Variants in ATAD2B observed in about 807,000 individuals in gnomAD.
ATAD2B encodes ATPase family AAA domain containing 2B.
ATAD2B carries 40 observed loss-of-function variants against 167.6 expected under a neutral mutation model. The ratio of observed to expected loss-of-function variants is 0.24; its 90% confidence interval spans 0.19 to 0.31. The LOEUF (loss-of-function observed/expected upper bound fraction) is 0.31. Ranked by LOEUF, ATAD2B falls within the 10% of genes least tolerant of loss-of-function variation. The pLI, the probability that ATAD2B is intolerant of heterozygous loss-of-function variation, is 1.00. For synonymous variants in ATAD2B, 579 were observed against 596.5 expected, an observed-to-expected ratio of 0.97 and a Z score of 0.43; for missense variants, 1,242 against 1,757.2, an observed-to-expected ratio of 0.71 and a Z score of 5.24.
the ATAD2B span, among the ~76,000 whole-genome samples, chr2:23,735,358 G>A: frequency 6.6e-6 from 1 of 152,134 alleles, no homozygotes; most frequent in Non-Finnish European, 1.5e-5. Flanking sequence ...TAAAAGCATT[G>A]TTGTGATGCA....
intron 24 of ATAD2B, among the ~76,000 whole-genome samples, chr2:23,759,458 A>G (rs554106940): frequency 1.3e-5 from 2 of 152,336 alleles, no homozygotes; most frequent in East Asian, 3.9e-4. Flanking sequence ...TTTAGAATCT[A>G]TCAACAGTGT....
chr2:23,907,934 A>C (rs1283417155), intron 1 of ATAD2B, among the ~76,000 whole-genome samples: 1 of 152,096 alleles, frequency 6.6e-6, no homozygotes, highest in Admixed American at 6.6e-5. Flanking sequence ...CTGGCTAGCC[A>C]TATGTAGAAA....
chr2:23,878,485 T>C (rs979014683), intron 7 of ATAD2B, among the ~76,000 whole-genome samples: 1 of 149,348 alleles, frequency 6.7e-6, no homozygotes, highest in African/African-American at 2.5e-5. Context: ...GAAGAAACCC[T>C]GTCTCTACTA....
At chr2:23,868,100 T>G (rs917051146) in intron 9 of ATAD2B, among the ~76,000 whole-genome samples, 154 bp from the exon 10 acceptor site, 1 of 152,246 alleles carries the variant, frequency 6.6e-6, no homozygotes, top group African/African-American at 2.4e-5. Flanking sequence ...TACTCTACTT[T>G]TCTTACATTC....
At position 23,807,080 on chromosome 2, in the gene ATAD2B, C is replaced by G. The variant is rs554929190; in HGVS notation, c.2454+3236G>C. 4.6e-5 allele frequency among the ~76,000 whole-genome samples: 7 copies of G among 152,284 alleles called. No individual in the cohort carries two copies. In the East Asian group the frequency reaches 1.3e-3, roughly 29 times the overall value. On this transcript the variant is annotated intron_variant, in intron 18 of 27. Coordinates refer to ENST00000238789, the MANE Select transcript of ATAD2B (RefSeq NM_017552.4). ...ACTGTGAAGTATTCACTGAGATATG[C>G]CCATCCCAAATCCCCAGACTTTCTT...
intron 6 of ATAD2B, among the ~76,000 whole-genome samples, chr2:23,882,997 G>C (rs563816260): frequency 6.6e-6 from 1 of 152,124 alleles, no homozygotes; most frequent in South Asian, 2.1e-4. Flanking sequence ...CAAAGGGCTG[G>C]ACATGGTGGC....
chr2:23,714,325 C>T, the ATAD2B span, among the ~76,000 whole-genome samples: 3 of 150,676 alleles, frequency 2.0e-5, no homozygotes, highest in East Asian at 2.0e-4. Flanking sequence ...CTGCAAGCTC[C>T]GCCTCCTGGG....
chr2:23,858,036 C>T (rs189812788), intron 12 of ATAD2B, among the ~76,000 whole-genome samples: 24 of 152,150 alleles, frequency 1.6e-4, no homozygotes, highest in Admixed American at 5.9e-4. Flanking sequence ...AGCCACCACA[C>T]CCGGCCACCA....
chr2:23,762,384 C>A lies in ATAD2B; in HGVS notation c.3257-38G>T, dbSNP rs754781983. On this transcript the variant is annotated intron_variant, in intron 23 of 27. Coordinates refer to ENST00000238789, the MANE Select transcript of ATAD2B (RefSeq NM_017552.4). ...GATAAGCAATACCTCTTTAAATATTCCCAGCTACATAAACCAAAAGGTTTT... is the reference window on the plus strand; with the variant it reads ...GATAAGCAATACCTCTTTAAATATTACCAGCTACATAAACCAAAAGGTTTT... 3.8e-6 allele frequency: 6 copies of A among 1,578,602 alleles called. No individual in the cohort carries two copies. In the South Asian group the frequency reaches 5.8e-5, roughly 15 times the overall value.
chr2:23,745,849 C>G (rs899912228), downstream of ATAD2B, among the ~76,000 whole-genome samples: 1 of 152,214 alleles, frequency 6.6e-6, no homozygotes, highest in East Asian at 1.9e-4. Context: ...AAAGCAAGGA[C>G]CTTGCTGTCC....
At chr2:23,760,409 C>G (rs1403774249) in intron 24 of ATAD2B, among the ~76,000 whole-genome samples, 1 of 152,050 alleles carries the variant, frequency 6.6e-6, no homozygotes, top group East Asian at 1.9e-4. Flanking sequence ...ACCTGTACTT[C>G]CAGCACTTTG....
the ATAD2B span, among the ~76,000 whole-genome samples, chr2:23,727,336 T>C: frequency 2.0e-5 from 3 of 152,210 alleles, no homozygotes; most frequent in African/African-American, 7.2e-5. Context: ...CAACGTCATA[T>C]GTCATTAGGG....
chr2:23,833,842 A>C (rs1689457742), intron 14 of ATAD2B, 77 bp downstream of exon 14: 1 of 1,142,124 alleles, frequency 8.8e-7, no homozygotes, highest in African/African-American at 1.6e-5. Context: ...AAAATTCATA[A>C]AATATCACCC....
At chr2:23,885,939 CT>C (rs57104581) in intron 4 of ATAD2B, 110 bp from the exon 5 acceptor site, 9 of 620,428 alleles carry the variant, frequency 1.5e-5, no homozygotes, top group African/African-American at 9.7e-5. Flanking sequence ...CTACACACAA[CT>C]TTTTTTTCTT....
intron 13 of ATAD2B, among the ~76,000 whole-genome samples, chr2:23,853,927 T>C (rs1448536995): frequency 1.3e-5 from 2 of 152,188 alleles, no homozygotes; most frequent in East Asian, 3.8e-4. Context: ...CTTCAATATA[T>C]GGTTCTGGAA....
At chr2:23,801,376 T>A (rs868093421) in intron 18 of ATAD2B, among the ~76,000 whole-genome samples, 1 of 152,094 alleles carries the variant, frequency 6.6e-6, no homozygotes, top group Non-Finnish European at 1.5e-5. Context: ...AAATATAGCC[T>A]AGTTTCAATG....
chr2:23,813,219 T>G (rs948263224), intron 17 of ATAD2B, among the ~76,000 whole-genome samples: 2 of 151,478 alleles, frequency 1.3e-5, no homozygotes, highest in African/African-American at 4.8e-5. Context: ...AATCACTATA[T>G]GAAAGAATTT....
At chr2:23,860,080 T>C (rs912989702) in intron 12 of ATAD2B, among the ~76,000 whole-genome samples, 1 of 152,130 alleles carries the variant, frequency 6.6e-6, no homozygotes, top group African/African-American at 2.4e-5. Flanking sequence ...GGAGTAGATT[T>C]ATTATTGTGA....
intron 1 of ATAD2B, among the ~76,000 whole-genome samples, chr2:23,897,097 G>A (rs1488155879): frequency 1.3e-5 from 2 of 152,328 alleles, no homozygotes; most frequent in African/African-American, 2.4e-5. Flanking sequence ...ACTCCAGACT[G>A]GGTGACAGAG....
Sources: gnomAD v4.1 joint callset for allele counts (sites outside exome capture counted in the v4.1 genomes callset) on GRCh38, gnomAD v4.1.1 for gene constraint, MANE v1.5 for transcripts, NCBI Gene and HGNC (gene_info 2026-07-23, HGNC 2026-07-21) for gene names.